Variants in CHPT1 observed in about 807,000 individuals in gnomAD.
CHPT1 encodes choline phosphotransferase 1.
A neutral mutation model predicts 47.6 loss-of-function variants in CHPT1; 36 were observed. The observed-to-expected ratio is 0.76, with a 90% CI of 0.58 to 1.00. The LOEUF is 1.00. Among genes scored for constraint, CHPT1 ranks in the 50% least tolerant of loss-of-function variants. The probability of loss-of-function intolerance (pLI) is 0.00; values close to 1 mark genes in which losing one functional copy is unlikely to be tolerated. For missense variants in CHPT1, 458 were observed against 498.1 expected (o/e 0.92, Z 0.77); for synonymous variants, 194 against 186.3 (o/e 1.04, Z -0.33).
chr12:101,728,850 G>GACTT (rs749472381), intron 8 of CHPT1, 51 bp from the exon 9 acceptor site: 20 of 1,589,090 alleles, frequency 1.3e-5, no homozygotes, highest in Non-Finnish European at 1.6e-5. Flanking sequence ...CTATTCTAAA[G>GACTT]ACTTACAATA....
chr12:101,704,497 G>A (rs896756605), intron 1 of CHPT1, among the ~76,000 whole-genome samples: 1 of 151,582 alleles, frequency 6.6e-6, no homozygotes, highest in Non-Finnish European at 1.5e-5. Context: ...CGCCTCCTGG[G>A]TTCAAGTGAT....
intron 1 of CHPT1, among the ~76,000 whole-genome samples, chr12:101,712,677 T>G (rs1951713975): frequency 6.7e-6 from 1 of 148,828 alleles, no homozygotes; most frequent in Admixed American, 6.8e-5. Context: ...AATATGCTGT[T>G]AATCTCACCC....
At position 101,723,787 on chromosome 12, in the gene CHPT1, G is replaced by A. The variant is rs866964354; in HGVS notation, c.1005G>A (p.Leu335=). 7.6e-6 allele frequency: 12 copies of A among 1,574,854 alleles called. No homozygotes were observed. The highest frequency in any genetic ancestry group is 1.7e-4 in the Middle Eastern group (1 of 5,792). ...CTGTCTTTTTGGGGCCAGGTCTTTT[G>A]TTTTTAGACCAGTACTTTAATAACT... ...QDTVFLGPGL[L]FLDQYFNNFI... is the part of the protein sequence containing the mutation. Residue 335 remains leucine, a synonymous_variant, in exon 7 of 9, where the codon TTG becomes TTA. Transcript: ENST00000229266.
At chr12:101,719,450 C>T in intron 4 of CHPT1, 1 of 789,352 alleles carries the variant, frequency 1.3e-6, no homozygotes, top group Non-Finnish European at 1.9e-6. Flanking sequence ...TCTGGCAATT[C>T]ATTGTTACTG....
chr12:101,726,414 CA>C lies in CHPT1; in HGVS notation c.1176+11del. 1 of 1,610,306 alleles carries C rather than the reference CA, an allele frequency of 6.2e-7. No homozygotes were observed. ...TCAAGCACCTGAACAGGTTCACAAGCATATTGACTGACTAATAGCCCAAGGA... is the reference window on the plus strand; with the variant it reads ...TCAAGCACCTGAACAGGTTCACAAGCTATTGACTGACTAATAGCCCAAGGA... On this transcript the variant is annotated intron_variant, in intron 8 of 8. Coordinates refer to ENST00000229266, the MANE Select transcript of CHPT1 (RefSeq NM_020244.3).
At chr12:101,723,147 A>T in intron 5 of CHPT1, 21 bp from the exon 6 acceptor site, 1 of 1,603,944 alleles carries the variant, frequency 6.2e-7, no homozygotes, top group African/African-American at 1.3e-5. Context: ...TGTGATACTG[A>T]TTTTCTGCTT....
rs555807855 is a variant in CHPT1 at position 101,714,338 on chromosome 12, T to G, written c.421+101T>G. On this transcript the variant is annotated intron_variant, in intron 2 of 8. Transcript: ENST00000229266. ...GGATGGATATACATTTGGGAGCAAA[T>G]GTATGGAGTTGTTTAAAAAGTATGT... 11 of 1,193,868 alleles carry G rather than the reference T, an allele frequency of 9.2e-6. No homozygotes were observed. The South Asian group carries it at 1.1e-4, about 12-fold the overall frequency. 74.0% of individuals were successfully genotyped at this position (1,193,868 alleles called of 1,614,324 possible).
chr12:101,719,310 C>T (rs1253885543), intron 4 of CHPT1, among the ~76,000 whole-genome samples: 1 of 152,098 alleles, frequency 6.6e-6, no homozygotes, highest in Non-Finnish European at 1.5e-5. Flanking sequence ...AGAAAACATA[C>T]CTGCTTATTC....
intron 1 of CHPT1, among the ~76,000 whole-genome samples, chr12:101,710,191 A>G (rs1314623409): frequency 6.8e-6 from 1 of 147,886 alleles, no homozygotes; most frequent in Non-Finnish European, 1.5e-5. Context: ...CCAAAAATAC[A>G]AAAATTTAGC....
At chr12:101,719,776 G>A (rs1419556988) in intron 4 of CHPT1, 1 of 238,902 alleles carries the variant, frequency 4.2e-6, no homozygotes, top group African/African-American at 2.4e-5. Context: ...TTTCACTTAT[G>A]AAGAAAGCAG....
At position 101,716,759 on chromosome 12, in the gene CHPT1, G is replaced by A. The variant is rs1951768870; in HGVS notation, c.595G>A (p.Val199Met). 4 of 1,608,420 alleles carry A rather than the reference G, an allele frequency of 2.5e-6. No homozygotes were observed. The South Asian group carries it at 4.4e-5, about 18-fold the overall frequency. ...VDVTEIQIAL[V>M]IVFVLSAFGG... ...TGTAACTGAAATTCAGATAGCTTTA[G>A]TGATTGTCTTTGTGTTGTCTGCATT... The change falls in exon 4 of 9, where the codon GTG (valine) becomes ATG (methionine). Residue 199 changes from valine (V) to methionine (M), a missense_variant. Val to Met is a conservative substitution (Grantham distance 21). Coordinates refer to ENST00000229266, the MANE Select transcript of CHPT1 (RefSeq NM_020244.3).
chr12:101,714,329 G>T, intron 2 of CHPT1, 92 bp downstream of exon 2: 1 of 1,246,646 alleles, frequency 8.0e-7, no homozygotes, highest in South Asian at 1.5e-5. Flanking sequence ...ATATACATTT[G>T]GGAGCAAATG....
At chr12:101,727,456 A>G (rs1951983911) in intron 8 of CHPT1, 1 of 151,336 alleles carries the variant, frequency 6.6e-6, no homozygotes, top group Admixed American at 6.6e-5. Context: ...TTAATTTTAT[A>G]TAATAGTTCA....
intron 1 of CHPT1, among the ~76,000 whole-genome samples, chr12:101,700,974 C>T (rs575812829): frequency 6.6e-6 from 1 of 152,184 alleles, no homozygotes; most frequent in Non-Finnish European, 1.5e-5. Context: ...TAAGGTTTTT[C>T]GATTTAGATG....
intron 4 of CHPT1, chr12:101,717,186 C>T (rs1315930596): frequency 1.7e-5 from 7 of 409,030 alleles, no homozygotes; most frequent in Non-Finnish European, 2.5e-5. Context: ...TAAAACTTGT[C>T]ACTCAATATT....
chr12:101,703,287 A>G (rs1307908606), intron 1 of CHPT1, among the ~76,000 whole-genome samples: 2 of 152,186 alleles, frequency 1.3e-5, no homozygotes, highest in Non-Finnish European at 2.9e-5. Flanking sequence ...TCCCCTTAGC[A>G]CAGTGACAGG....
intron 1 of CHPT1, among the ~76,000 whole-genome samples, chr12:101,699,418 C>T (rs113553237): frequency 0.023 from 3,061 of 134,136 alleles, 60 homozygotes; most frequent in Middle Eastern, 0.043. Context: ...GACAGAGTCT[C>T]GCTCTGTCAC....
chr12:101,697,866 C>G lies in CHPT1; in HGVS notation c.5C>G (p.Ala2Gly), dbSNP rs1951485318. 3 of 1,173,210 alleles carry G rather than the reference C, an allele frequency of 2.6e-6. No individual in the cohort carries two copies. Among genetic ancestry groups the G allele is most frequent in the South Asian group, 8.4e-5 (2 of 23,866 alleles). The allele number at this position is 1,173,210 out of a possible 1,614,324, so 72.7% of individuals were successfully genotyped here. The change falls in exon 1 of 9, where the codon GCG becomes GGG. Residue 2 changes from alanine to glycine, a missense_variant. Transcript: ENST00000229266. MAAGAGAGSAPR... is the reference protein window; with the variant it reads MGAGAGAGSAPR... Reference sequence around the variant, plus strand: ...CGGCGGGGCCCTCAGGCGGCCATGGCGGCAGGCGCCGGGGCCGGGTCCGCG... The same window carrying G: ...CGGCGGGGCCCTCAGGCGGCCATGGGGGCAGGCGCCGGGGCCGGGTCCGCG...
chr12:101,698,256 T>C, intron 1 of CHPT1, 122 bp downstream of exon 1: 1 of 1,312,676 alleles, frequency 7.6e-7, no homozygotes, highest in Non-Finnish European at 9.7e-7. Flanking sequence ...AGGGGCGGAC[T>C]GGCCACTGCC....
Sources: allele counts gnomAD v4.1 joint callset (sites outside exome capture counted in the v4.1 genomes callset), GRCh38; gene constraint gnomAD v4.1.1; transcripts MANE v1.5; gene names NCBI Gene and HGNC (gene_info 2026-07-23, HGNC 2026-07-21).